Variants in NUP54 observed in about 807,000 individuals in gnomAD.
The protein encoded by NUP54 is nucleoporin 54.
NUP54 carries 27 observed loss-of-function variants against 66.4 expected under a neutral mutation model. That is an observed-to-expected ratio of 0.41 (90% CI 0.30 to 0.56). The LOEUF (loss-of-function observed/expected upper bound fraction) is 0.56. Among genes scored for constraint, NUP54 ranks in the 20% least tolerant of loss-of-function variants. The pLI is 0.34. For synonymous variants in NUP54, 206 were observed against 210.7 expected, an observed-to-expected ratio of 0.98 and a Z score of 0.19; for missense variants, 486 against 596.3, an observed-to-expected ratio of 0.82 and a Z score of 1.93.
At position 76,144,213 on chromosome 4, in the gene NUP54, T is replaced by C; in HGVS notation, c.231A>G (p.Leu77=). 6.2e-7 allele frequency: 1 copy of C among 1,612,526 alleles called. No individual in the cohort carries two copies. The highest frequency in any genetic ancestry group is 8.5e-7 in the Non-Finnish European group (1 of 1,178,550). Residue 77 remains leucine (L), a synonymous_variant, in exon 3 of 12, where the codon TTA becomes TTG. Transcript: ENST00000264883. ...CCAGTCCAGTTCCCAAACCAGTACC[T>C]AAACCAGTACTAGTTCCCGTTGTTG... ...FGTTTGTSTG[L]GTGLGTGLGF...
rs1553943410 is a variant in NUP54 at position 76,132,488 on chromosome 4, C to CA, written c.907+34_907+35insT. 80 of 1,466,714 alleles carry CA rather than the reference C, an allele frequency of 5.5e-5. No individual in the cohort carries two copies. In the South Asian group the frequency reaches 6.7e-4, roughly 12 times the overall value. The allele number at this position is 1,466,714 out of a possible 1,614,324, so 90.9% of individuals were successfully genotyped here. A position where few individuals can be genotyped will look rare whatever the true frequency, so the allele number is the denominator to read the frequency against. On this transcript the variant is annotated intron_variant, in intron 6 of 11. Transcript: ENST00000264883. ...GGGGAGTGTTTAGTTCTAAATCTTTCTTTTTTTTTGAACTCTGTGATTCTA... is the reference window on the plus strand; with the variant it reads ...GGGGAGTGTTTAGTTCTAAATCTTTCATTTTTTTTTGAACTCTGTGATTCTA...
Position 76,136,248 on chromosome 4 carries a change from A to G in NUP54, c.460T>C (p.Tyr154His). ...ACTGGCGGAATATTATTGTTGAAAT[A>G]CCCTTTTCCTGTTCCCCAAAAGGCC... ...LQAFWGTGKGYFNNNIPPVEF... is the reference protein window; with the variant it reads ...LQAFWGTGKGHFNNNIPPVEF... The change falls in exon 4 of 12, where the codon TAT becomes CAT. Residue 154 changes from tyrosine (Y) to histidine (H), a missense_variant. Tyr to His is a moderately conservative substitution (Grantham distance 83, BLOSUM62 2). Coordinates refer to ENST00000264883, the MANE Select transcript of NUP54 (RefSeq NM_017426.4). 6.2e-7 allele frequency: 1 copy of G among 1,614,074 alleles called. No homozygotes were observed. Among genetic ancestry groups the G allele is most frequent in the Non-Finnish European group, 8.5e-7 (1 of 1,179,984 alleles).
chr4:76,144,240 G>T lies in NUP54; in HGVS notation c.204C>A (p.Gly68=). 1 of 1,613,578 alleles carries T rather than the reference G, an allele frequency of 6.2e-7. No homozygotes were observed. Among genetic ancestry groups the T allele is most frequent in the Non-Finnish European group, 8.5e-7 (1 of 1,179,810 alleles). Residue 68 remains glycine (G), a synonymous_variant, in exon 3 of 12, where the codon GGC becomes GGA. Transcript: ENST00000264883. ...AACCAGTACTAGTTCCCGTTGTTGT[G>T]CCAAAACCAGTACCAAATCCAAAAC... ...NKGFGFGTGF[G]TTTGTSTGLG...
Position 76,145,434 on chromosome 4 carries a change from T to C in NUP54, c.68-961A>G, listed in dbSNP as rs13151075. On this transcript the variant is annotated intron_variant, in intron 1 of 11. Transcript: ENST00000264883. ...TGCCAAACATATCACATTGGCAGAC[T>C]TGTTGCCAGTTAGCAACCTTGGTTT... 94,830 of 299,144 alleles carry C rather than the reference T, an allele frequency of 0.32. 17,073 individuals carry two copies. The highest frequency in any genetic ancestry group is 0.55 in the East Asian group (3,693 of 6,692). The allele number at this position is 299,144 out of a possible 1,614,324, so 18.5% of individuals were successfully genotyped here. A position where few individuals can be genotyped will look rare whatever the true frequency, so the allele number is the denominator to read the frequency against.
At chr4:76,124,562 T>A in intron 9 of NUP54, 87 bp downstream of exon 9, 1 of 483,256 alleles carries the variant, frequency 2.1e-6, no homozygotes, top group Non-Finnish European at 3.6e-6. Flanking sequence ...TTTAGTATTT[T>A]TTTTTCTATT....
intron 9 of NUP54, among the ~76,000 whole-genome samples, chr4:76,123,167 G>T (rs897213146): frequency 3.9e-5 from 6 of 152,156 alleles, no homozygotes; most frequent in African/African-American, 1.2e-4. Flanking sequence ...TATACTAAAA[G>T]CCATTGAATT....
intron 3 of NUP54, among the ~76,000 whole-genome samples, chr4:76,142,951 AG>A (rs1731324444): frequency 6.6e-6 from 1 of 152,206 alleles, no homozygotes; most frequent in Non-Finnish European, 1.5e-5. Context: ...AAACAGATGA[AG>A]TCAAGTTTCT....
intron 9 of NUP54, 62 bp from the exon 10 acceptor site, chr4:76,118,256 G>A (rs1314378156): frequency 6.9e-7 from 1 of 1,444,048 alleles, no homozygotes; most frequent in Non-Finnish European, 9.7e-7. Flanking sequence ...GCAAGTAGTA[G>A]TAGTACAATT....
At chr4:76,141,504 C>T (rs886980074) in intron 3 of NUP54, among the ~76,000 whole-genome samples, 2 of 152,140 alleles carry the variant, frequency 1.3e-5, no homozygotes, top group African/African-American at 4.8e-5. Context: ...TTCAGTTACG[C>T]CACCCAGAAG....
rs1000750156 is a variant in NUP54, at chr4:76,124,135, G to T, written c.1164+514C>A. On this transcript the variant is annotated intron_variant, in intron 9 of 11. Transcript: ENST00000264883. Reference sequence around the variant, plus strand: ...TTTTAAATGAGAATTTTTTATGGCTGTAAGTTTTCCTCTGAGTACAGATTT... The same window carrying T: ...TTTTAAATGAGAATTTTTTATGGCTTTAAGTTTTCCTCTGAGTACAGATTT... Among the ~76,000 whole-genome samples, 4 of 151,898 alleles carry T rather than the reference G, an allele frequency of 2.6e-5. 1 individual carries two copies. The highest frequency in any genetic ancestry group is 5.9e-5 in the Non-Finnish European group (4 of 67,960).
intron 4 of NUP54, among the ~76,000 whole-genome samples, chr4:76,135,666 T>C (rs1352075551): frequency 2.0e-5 from 3 of 152,240 alleles, no homozygotes; most frequent in East Asian, 1.9e-4. Context: ...TAATTTGTTA[T>C]GGAAAATGCA....
chr4:76,125,331 CACACACACACACA>C (rs1560678354), intron 8 of NUP54, among the ~76,000 whole-genome samples: 1 of 138,322 alleles, frequency 7.2e-6, no homozygotes, highest in African/African-American at 2.6e-5. Context: ...CACACACACA[CACACACACACACA>C]CACACACGGC....
intron 3 of NUP54, among the ~76,000 whole-genome samples, chr4:76,138,721 G>C (rs1731139438): frequency 6.6e-6 from 1 of 152,178 alleles, no homozygotes. Context: ...CCTAAAGGAA[G>C]GAGTCAGCTA....
chr4:76,128,294 T>C (rs1179326319), intron 8 of NUP54, among the ~76,000 whole-genome samples: 1 of 151,554 alleles, frequency 6.6e-6, no homozygotes, highest in Non-Finnish European at 1.5e-5. Context: ...TCTCCAGACA[T>C]TGCCAAATGT....
intron 9 of NUP54, among the ~76,000 whole-genome samples, chr4:76,120,836 C>A (rs184117239): frequency 1.3e-5 from 2 of 152,264 alleles, no homozygotes; most frequent in East Asian, 3.9e-4. Context: ...CTATGAACTG[C>A]CTTTACACAT....
chr4:76,134,030 T>TTTTATTTATTAATTC, intron 5 of NUP54, 145 bp downstream of exon 5: 1 of 542,396 alleles, frequency 1.8e-6, no homozygotes, highest in South Asian at 4.5e-5. Flanking sequence ...TAAATGTTTT[T>TTTTATTTATTAATTC]ATCAATACTG....
intron 5 of NUP54, among the ~76,000 whole-genome samples, chr4:76,133,405 A>G (rs1730898560): frequency 6.6e-6 from 1 of 151,586 alleles, no homozygotes; most frequent in Non-Finnish European, 1.5e-5. Flanking sequence ...TCCTGGGTTC[A>G]TGCCACTCTC....
intron 1 of NUP54, among the ~76,000 whole-genome samples, chr4:76,145,236 TGGACCCGGGAG>T (rs1255719760): frequency 6.8e-6 from 1 of 147,152 alleles, no homozygotes; most frequent in African/African-American, 2.5e-5. Context: ...GAGAATGGCG[TGGACCCGGGAG>T]GTGGAGCTTG....
At chr4:76,130,608 T>C in intron 8 of NUP54, 48 bp downstream of exon 8, 1 of 1,228,330 alleles carries the variant, frequency 8.1e-7, no homozygotes, top group Non-Finnish European at 1.2e-6. Context: ...ATGTCTATAA[T>C]CCCTTTCCCT....
Sources: gnomAD v4.1 joint callset for allele counts (sites outside exome capture counted in the v4.1 genomes callset) on GRCh38, gnomAD v4.1.1 for gene constraint, MANE v1.5 for transcripts, NCBI Gene and HGNC (gene_info 2026-07-23, HGNC 2026-07-21) for gene names.